Variants in HIRA observed in about 807,000 individuals in gnomAD.
HIRA encodes protein HIRA.
Under a neutral mutation model 126.6 loss-of-function variants are expected in HIRA, and 13 were observed. The ratio of observed to expected loss-of-function variants is 0.10; its 90% CI spans 0.07 to 0.16. The LOEUF is 0.16. Ranked by LOEUF, HIRA falls within the 10% of genes least tolerant of loss-of-function variation. The probability of loss-of-function intolerance (pLI) is 1.00; values close to 1 mark genes in which losing one functional copy is unlikely to be tolerated. For missense variants in HIRA, 834 were observed against 1,314.4 expected (o/e 0.63, Z 5.65); for synonymous variants, 511 against 520.0 (o/e 0.98, Z 0.24).
chr22:19,335,032 A>G (rs1319120887), intron 24 of HIRA, among the ~76,000 whole-genome samples: 2 of 152,038 alleles, frequency 1.3e-5, no homozygotes, highest in Non-Finnish European at 2.9e-5. Context: ...TGGTTGCTCT[A>G]GGGCATATAA....
intron 11 of HIRA, 136 bp from the exon 12 acceptor site, chr22:19,385,872 T>C (rs1362147678): frequency 1.4e-6 from 1 of 729,710 alleles, no homozygotes; most frequent in Non-Finnish European, 2.3e-6. Context: ...CCCCATCGCC[T>C]CCCATCCTAT....
At chr22:19,402,053 C>G (rs966620557) in intron 5 of HIRA, among the ~76,000 whole-genome samples, 1 of 152,200 alleles carries the variant, frequency 6.6e-6, no homozygotes, top group Non-Finnish European at 1.5e-5. Context: ...TGTCCCCTCA[C>G]TGCCGTCCAG....
intron 2 of HIRA, among the ~76,000 whole-genome samples, chr22:19,409,243 C>T (rs959246520): frequency 1.6e-4 from 25 of 151,978 alleles, no homozygotes; most frequent in African/African-American, 5.6e-4. Context: ...TGATGTATTG[C>T]TCGGCTAAAA....
chr22:19,407,509 C>T (rs913514993), intron 3 of HIRA, among the ~76,000 whole-genome samples: 2 of 152,098 alleles, frequency 1.3e-5, no homozygotes, highest in South Asian at 2.1e-4. Context: ...ATCTGAGAAT[C>T]GTTAGTGCTG....
In HIRA at chr22:19,375,811, G is replaced by C. The variant is rs1601828006; in HGVS notation, c.1614-19C>G. 6.2e-7 allele frequency: 1 copy of C among 1,613,446 alleles called. No individual in the cohort carries two copies. The stretch of plus-strand genomic sequence containing the variant: ...ATTCATACTGGGGTGAAGAAGAGGG[G>C]AGGCATGTCAAGCGCAATCCTGAAA... On this transcript the variant is annotated intron_variant, in intron 14 of 24. Coordinates refer to ENST00000263208, the MANE Select transcript of HIRA (RefSeq NM_003325.4).
intron 15 of HIRA, among the ~76,000 whole-genome samples, chr22:19,363,467 AAATAC>A (rs1372229400): frequency 6.6e-6 from 1 of 152,102 alleles, no homozygotes; most frequent in Non-Finnish European, 1.5e-5. Context: ...GTAAATAAAT[AAATAC>A]AAGAAAAGGG....
chr22:19,390,062 T>C (rs1363547239), intron 9 of HIRA, among the ~76,000 whole-genome samples: 1 of 152,024 alleles, frequency 6.6e-6, no homozygotes, highest in African/African-American at 2.4e-5. Context: ...GGCACCTTGA[T>C]GCTCAGCACC....
chr22:19,357,919 A>C (rs2088828145), intron 18 of HIRA, among the ~76,000 whole-genome samples: 1 of 152,212 alleles, frequency 6.6e-6, no homozygotes, highest in Non-Finnish European at 1.5e-5. Context: ...GCTTTTGTTT[A>C]CAAATGTTTA....
chr22:19,394,268 T>C (rs1420393564), intron 8 of HIRA, 74 bp downstream of exon 8: 4 of 1,516,104 alleles, frequency 2.6e-6, no homozygotes, highest in Non-Finnish European at 3.6e-6. Context: ...TAAGTATAAC[T>C]ATTCAAAATA....
At chr22:19,364,645 TAATC>T (rs1213073615) in intron 15 of HIRA, among the ~76,000 whole-genome samples, 3 of 152,232 alleles carry the variant, frequency 2.0e-5, no homozygotes, top group East Asian at 1.9e-4. Flanking sequence ...ATGCTGAACT[TAATC>T]AATAAATGGC....
chr22:19,347,977 T>C (rs2088706507), intron 24 of HIRA, among the ~76,000 whole-genome samples: 1 of 152,168 alleles, frequency 6.6e-6, no homozygotes, highest in South Asian at 2.1e-4. Flanking sequence ...CTTGAGGGCC[T>C]AGGGGGACCA....
At chr22:19,353,053 G>A (rs1556011335) in intron 23 of HIRA, among the ~76,000 whole-genome samples, 1 of 152,260 alleles carries the variant, frequency 6.6e-6, no homozygotes, top group African/African-American at 2.4e-5. Context: ...GTGGTGCAGG[G>A]CAGGAGCCAG....
intron 15 of HIRA, among the ~76,000 whole-genome samples, chr22:19,373,548 C>T (rs542408875): frequency 5.9e-5 from 9 of 152,174 alleles, no homozygotes; most frequent in Non-Finnish European, 1.2e-4. Context: ...TGCCTCTGAA[C>T]GTCAATTAGA....
chr22:19,346,607 C>G (rs1556008971), intron 24 of HIRA, among the ~76,000 whole-genome samples: 2 of 152,222 alleles, frequency 1.3e-5, no homozygotes, highest in East Asian at 1.9e-4. Flanking sequence ...ATTTTCCCAG[C>G]CTCCCTTGCA....
intron 5 of HIRA, among the ~76,000 whole-genome samples, chr22:19,403,446 A>G (rs1039471554): frequency 6.6e-6 from 1 of 151,944 alleles, no homozygotes; most frequent in Non-Finnish European, 1.5e-5. Flanking sequence ...TGTCTCTACT[A>G]AAAATACAAA....
intron 18 of HIRA, among the ~76,000 whole-genome samples, chr22:19,357,908 T>C (rs2088828093): frequency 6.6e-6 from 1 of 152,228 alleles, no homozygotes; most frequent in African/African-American, 2.4e-5. Flanking sequence ...GCAAGTGAGA[T>C]GCTTTTGTTT....
At chr22:19,407,379 A>C (rs1249158683) in intron 3 of HIRA, 105 bp from the exon 4 acceptor site, 1 of 880,826 alleles carries the variant, frequency 1.1e-6, no homozygotes, top group Non-Finnish European at 1.8e-6. Context: ...TAATCTATCT[A>C]ATCTATTTAA....
At chr22:19,422,019 T>C (rs115762434) in intron 1 of HIRA, among the ~76,000 whole-genome samples, 277 of 152,100 alleles carry the variant, frequency 1.8e-3, no homozygotes, top group African/African-American at 6.4e-3. Flanking sequence ...CTTCCCAACA[T>C]ACCCATAACC....
At chr22:19,424,422 A>G (rs1221411584) in intron 1 of HIRA, among the ~76,000 whole-genome samples, 1 of 152,224 alleles carries the variant, frequency 6.6e-6, no homozygotes, top group African/African-American at 2.4e-5. Context: ...TGAAAATCAA[A>G]TGCCAGAAAA....
Sources: allele counts gnomAD v4.1 joint callset (sites outside exome capture counted in the v4.1 genomes callset), GRCh38; gene constraint gnomAD v4.1.1; transcripts MANE v1.5; gene names NCBI Gene and HGNC (gene_info 2026-07-23, HGNC 2026-07-21).